The following YEATS2 variants were observed in gnomAD, a reference collection of about 807,000 sequenced individuals.
YEATS2 encodes the protein YEATS domain-containing protein 2.
Under a neutral mutation model 163.2 loss-of-function variants are expected in YEATS2, and 77 were observed. The observed-to-expected ratio is 0.47, with a 90% CI of 0.39 to 0.57. YEATS2 has a LOEUF of 0.57. Among genes scored for constraint, YEATS2 ranks in the 20% least tolerant of loss-of-function variants. The pLI is 0.00. For synonymous variants in YEATS2, 631 were observed against 645.1 expected (o/e 0.98, Z 0.33); for missense variants, 1,549 against 1,729.8 (o/e 0.90, Z 1.85).
At chr3:183,757,022 A>G (rs976694757) in intron 12 of YEATS2, among the ~76,000 whole-genome samples, 2 of 152,166 alleles carry the variant, frequency 1.3e-5, no homozygotes, top group African/African-American at 4.8e-5. Context: ...ACCTCTTCCA[A>G]AGAAGCTTTT....
chr3:183,713,832 G>T (rs1271746329), intron 1 of YEATS2, among the ~76,000 whole-genome samples: 1 of 152,182 alleles, frequency 6.6e-6, no homozygotes, highest in African/African-American at 2.4e-5. Flanking sequence ...TTGAGACGGA[G>T]TATTGCTCTG....
At chr3:183,737,885 A>G (rs1718512695) in intron 8 of YEATS2, among the ~76,000 whole-genome samples, 1 of 152,162 alleles carries the variant, frequency 6.6e-6, no homozygotes, top group Non-Finnish European at 1.5e-5. Context: ...AAAATTGAAG[A>G]TTTGTGGCAA....
Position 183,809,146 on chromosome 3 carries a change from G to A in YEATS2, c.4136G>A (p.Gly1379Glu). 1 of 1,614,158 alleles carries A rather than the reference G, an allele frequency of 6.2e-7. No individual in the cohort carries two copies. The highest frequency in any genetic ancestry group is 1.1e-5 in the South Asian group (1 of 91,074). The part of the protein sequence containing the change: ...NDILRQALAV[G>E]YQTASHNRIP... ...ATCCTGAGACAGGCTTTGGCAGTTG[G>A]ATACCAGACAGCTTCTCACAACAGG... is the stretch of plus-strand genomic sequence containing the variant. The change falls in exon 30 of 31, where the codon GGA becomes GAA. Residue 1379 changes from glycine to glutamate, a missense_variant. Transcript: ENST00000305135.
At chr3:183,740,920 G>T (rs534428165) in intron 8 of YEATS2, among the ~76,000 whole-genome samples, 3 of 151,986 alleles carry the variant, frequency 2.0e-5, no homozygotes, top group African/African-American at 4.8e-5. Context: ...TCTTGTTAGG[G>T]GCTGGTGACT....
intron 1 of YEATS2, among the ~76,000 whole-genome samples, chr3:183,706,276 T>C (rs1043637718): frequency 1.3e-5 from 2 of 151,914 alleles, no homozygotes; most frequent in Admixed American, 1.3e-4. Flanking sequence ...ATTTGAGGGA[T>C]AGAAAACCAA....
chr3:183,797,967 G>T lies in YEATS2; in HGVS notation c.3142G>T (p.Val1048Phe), dbSNP rs762802940. 1 of 1,614,138 alleles carries T rather than the reference G, an allele frequency of 6.2e-7. No individual in the cohort carries two copies. Among genetic ancestry groups the T allele is most frequent in the African/African-American group, 1.3e-5 (1 of 75,046 alleles). Residue 1048 changes from valine (V) to phenylalanine (F), a missense_variant, in exon 22 of 31, where the codon GTC becomes TTC. Physicochemically the swap from Val to Phe is conservative, Grantham distance 50 (BLOSUM62 -1). Coordinates refer to ENST00000305135, the MANE Select transcript of YEATS2 (RefSeq NM_018023.5). Reference sequence around the variant, plus strand: ...CAGTCAGTCCAGTCCGCAGCAGGCCGTCCTGACGATTCCCAGCCAGCTCAA... The same window carrying T: ...CAGTCAGTCCAGTCCGCAGCAGGCCTTCCTGACGATTCCCAGCCAGCTCAA... ...HSSQSSPQQA[V>F]LTIPSQLKPL...
chr3:183,718,403 T>A, intron 3 of YEATS2, 97 bp from the exon 4 acceptor site: 1 of 888,208 alleles, frequency 1.1e-6, no homozygotes, highest in Admixed American at 3.4e-5. Context: ...TTGAGCTTTT[T>A]TTTTTCACTC....
At chr3:183,803,109 T>C in intron 25 of YEATS2, 147 bp from the exon 26 acceptor site, 1 of 752,654 alleles carries the variant, frequency 1.3e-6, no homozygotes, top group East Asian at 2.7e-5. Context: ...GACGCCCTCC[T>C]GTGTTAGGCT....
chr3:183,752,830 C>G (rs898876744), intron 10 of YEATS2, among the ~76,000 whole-genome samples: 6 of 150,840 alleles, frequency 4.0e-5, no homozygotes, highest in Non-Finnish European at 8.9e-5. Flanking sequence ...TGGAGTCTTG[C>G]TCTGTTGCCC....
In YEATS2 at chr3:183,750,993, T is replaced by G. The variant is rs368062909; in HGVS notation, c.970-1080T>G. Among the ~76,000 whole-genome samples the G allele has an allele frequency of 7.9e-5, 12 of 152,352 alleles. No homozygotes were observed. The East Asian group carries it at 2.3e-3, about 29-fold the overall frequency. On this transcript the variant is annotated intron_variant, in intron 9 of 30. Coordinates refer to ENST00000305135, the MANE Select transcript of YEATS2 (RefSeq NM_018023.5). ...CTATTTTTTATTTTGTTGCCTGTGC[T>G]TTTGGTGTCGTGTCCAAGAAACCAT...
intron 1 of YEATS2, among the ~76,000 whole-genome samples, chr3:183,708,381 A>G (rs1360421250): frequency 6.6e-6 from 1 of 151,924 alleles, no homozygotes; most frequent in Non-Finnish European, 1.5e-5. Flanking sequence ...GCCACATCTT[A>G]TATGATGTGT....
chr3:183,709,418 G>C (rs1219133131), intron 1 of YEATS2, among the ~76,000 whole-genome samples: 2 of 144,020 alleles, frequency 1.4e-5, no homozygotes, highest in East Asian at 4.4e-4. Flanking sequence ...TGCAACCTCT[G>C]CCTCCTCACA....
chr3:183,770,559 C>T (rs1425248293), intron 15 of YEATS2, among the ~76,000 whole-genome samples: 1 of 152,130 alleles, frequency 6.6e-6, no homozygotes, highest in Non-Finnish European at 1.5e-5. Flanking sequence ...TTTACTTATT[C>T]ATGTTTACTT....
intron 5 of YEATS2, among the ~76,000 whole-genome samples, chr3:183,722,609 G>A (rs888468691): frequency 6.7e-6 from 1 of 150,288 alleles, no homozygotes; most frequent in African/African-American, 2.4e-5. Context: ...TCTTGATTTG[G>A]TTTTACTTGC....
chr3:183,701,943 A>G (rs529994204), intron 1 of YEATS2, among the ~76,000 whole-genome samples: 58 of 152,240 alleles, frequency 3.8e-4, no homozygotes, highest in African/African-American at 1.2e-3. Context: ...AACTAGTTCT[A>G]CTTCTCCATG....
At position 183,810,565 on chromosome 3, in the gene YEATS2, A is replaced by G; in HGVS notation, c.4251A>G (p.Ile1417Met). 1 of 1,614,104 alleles carries G rather than the reference A, an allele frequency of 6.2e-7. No individual in the cohort carries two copies. Among genetic ancestry groups the G allele is most frequent in the Non-Finnish European group, 8.5e-7 (1 of 1,179,956 alleles). The change falls in exon 31 of 31, where the codon ATA (isoleucine) becomes ATG (methionine). Residue 1417 changes from isoleucine (I) to methionine (M), a missense_variant. Coordinates refer to ENST00000305135, the MANE Select transcript of YEATS2 (RefSeq NM_018023.5). ...LDFLTNKHMG[I>M]LNEDQ Reference sequence around the variant, plus strand: ...TCCTCACAAACAAACACATGGGAATATTGAATGAGGACCAGTGAGCGGAGT... The same window carrying G: ...TCCTCACAAACAAACACATGGGAATGTTGAATGAGGACCAGTGAGCGGAGT...
intron 21 of YEATS2, among the ~76,000 whole-genome samples, chr3:183,793,756 G>A (rs1724889635): frequency 1.3e-5 from 2 of 151,918 alleles, no homozygotes; most frequent in African/African-American, 2.4e-5. Flanking sequence ...GGGATTATAG[G>A]CGTGTGCCAC....
intron 8 of YEATS2, among the ~76,000 whole-genome samples, chr3:183,742,759 C>T (rs7633274): frequency 0.039 from 6,013 of 152,268 alleles, 404 homozygotes; most frequent in African/African-American, 0.14. Flanking sequence ...GTGGATAAAA[C>T]ACTGTCAAAC....
Position 183,810,845 on chromosome 3 carries a change from G to A in YEATS2, c.*262G>A, listed in dbSNP as rs991219311. On this transcript the variant is annotated 3_prime_UTR_variant, in exon 31 of 31. Coordinates refer to ENST00000305135, the MANE Select transcript of YEATS2 (RefSeq NM_018023.5). The stretch of plus-strand genomic sequence containing the variant: ...GTCGGCCAGCGTTTCTGCAGTCTTT[G>A]TAAAGGCCCCACGAGAGCGGGCCAG... 1.7e-4 allele frequency: 78 copies of A among 455,172 alleles called. No homozygotes were observed. Among genetic ancestry groups the A allele is most frequent in the Non-Finnish European group, 2.8e-4 (69 of 247,032 alleles). 28.2% of individuals were successfully genotyped at this position (455,172 alleles called of 1,614,324 possible). A position where few individuals can be genotyped will look rare whatever the true frequency, so the allele number is the denominator to read the frequency against.
Sources: allele counts gnomAD v4.1 joint callset (sites outside exome capture counted in the v4.1 genomes callset), GRCh38; gene constraint gnomAD v4.1.1; transcripts MANE v1.5; gene names NCBI Gene and HGNC (gene_info 2026-07-23, HGNC 2026-07-21).